SLC35F3: variants seen among roughly 807,000 people sequenced by gnomAD.
SLC35F3 encodes the protein solute carrier family 35 member F3, also known as putative thiamine transporter SLC35F3.
Under a neutral mutation model 49.9 loss-of-function variants are expected in SLC35F3, and 25 were observed. The observed-to-expected ratio is 0.50, with a 90% CI of 0.37 to 0.70. The LOEUF (loss-of-function observed/expected upper bound fraction) is 0.70, where lower values mean the gene tolerates loss of function less well. Ranked by LOEUF, SLC35F3 falls within the 30% of genes least tolerant of loss-of-function variation. The pLI is 0.00. For synonymous variants in SLC35F3, 275 were observed against 265.4 expected (o/e 1.04, Z -0.35); for missense variants, 525 against 639.8 (o/e 0.82, Z 1.94).
rs574743 is a variant in SLC35F3, at chr1:234,191,591, C to A, written c.284-39826C>A. On this transcript the variant is annotated intron_variant, in intron 2 of 7. Transcript: ENST00000366618. Reference sequence around the variant, plus strand: ...AGCCCAGCAGAAGAAGAGAAATAACCCAGATCAGAGAAGAACTAAATGAAA... The same window carrying A: ...AGCCCAGCAGAAGAAGAGAAATAACACAGATCAGAGAAGAACTAAATGAAA... 3.3e-3 allele frequency among the ~76,000 whole-genome samples: 496 copies of A among 151,342 alleles called. 4 individuals are homozygous for A. Among genetic ancestry groups the A allele is most frequent in the African/African-American group, 0.012 (474 of 41,064 alleles).
intron 2 of SLC35F3, among the ~76,000 whole-genome samples, chr1:234,160,428 T>C (rs1298922783): frequency 6.6e-6 from 1 of 152,142 alleles, no homozygotes; most frequent in Non-Finnish European, 1.5e-5. Context: ...ACTCAAGGCC[T>C]CAACTCCAAA....
chr1:234,159,375 G>A (rs1369974954), intron 2 of SLC35F3, among the ~76,000 whole-genome samples: 1 of 152,040 alleles, frequency 6.6e-6, no homozygotes, highest in African/African-American at 2.4e-5. Flanking sequence ...TCAGGAGTTT[G>A]AGACCAGCCT....
intron 2 of SLC35F3, among the ~76,000 whole-genome samples, chr1:234,183,649 C>T (rs1182243250): frequency 2.1e-5 from 3 of 142,690 alleles, no homozygotes; most frequent in African/African-American, 4.9e-5. Context: ...GCTCTATATC[C>T]ATATGTCATC....
chr1:234,195,725 G>A (rs939886974), intron 2 of SLC35F3, among the ~76,000 whole-genome samples: 7 of 152,212 alleles, frequency 4.6e-5, no homozygotes, highest in South Asian at 2.1e-4. Flanking sequence ...CCCAAATCTC[G>A]TCTTGAATTG....
intron 2 of SLC35F3, among the ~76,000 whole-genome samples, chr1:233,928,673 T>C (rs567278488): frequency 6.6e-6 from 1 of 152,306 alleles, no homozygotes; most frequent in South Asian, 2.1e-4. Context: ...CTTTGGTTAA[T>C]ATTAGATTAT....
intron 2 of SLC35F3, among the ~76,000 whole-genome samples, chr1:234,096,846 G>T (rs561765162): frequency 1.3e-5 from 2 of 151,826 alleles, no homozygotes. Flanking sequence ...CCCAGCAGTG[G>T]AATTGCTGGA....
chr1:234,126,560 A>T (rs1665651050), intron 2 of SLC35F3, among the ~76,000 whole-genome samples: 1 of 152,088 alleles, frequency 6.6e-6, no homozygotes, highest in Non-Finnish European at 1.5e-5. Flanking sequence ...AAGACCACAC[A>T]GGTCCATGAC....
At chr1:233,909,450 C>T (rs528297274) in intron 2 of SLC35F3, among the ~76,000 whole-genome samples, 11 of 152,264 alleles carry the variant, frequency 7.2e-5, no homozygotes, top group Admixed American at 2.6e-4. Flanking sequence ...GGCTGCTGCA[C>T]GAAATACTGA....
chr1:234,176,642 G>A (rs1666480292), intron 2 of SLC35F3, among the ~76,000 whole-genome samples: 1 of 152,142 alleles, frequency 6.6e-6, no homozygotes. Flanking sequence ...CTGACAGGGA[G>A]CTGAGGGGGT....
chr1:234,190,574 A>G (rs897977870), intron 2 of SLC35F3, among the ~76,000 whole-genome samples: 1 of 152,204 alleles, frequency 6.6e-6, no homozygotes. Context: ...TATAAAACAA[A>G]TACTGCTAGA....
At chr1:234,131,916 C>T (rs1665742589) in intron 2 of SLC35F3, among the ~76,000 whole-genome samples, 1 of 152,118 alleles carries the variant, frequency 6.6e-6, no homozygotes. Context: ...ATAAGGTTCT[C>T]TTGTGAAAAC....
chr1:234,228,875 T>G (rs1667326579), intron 2 of SLC35F3, among the ~76,000 whole-genome samples: 1 of 152,254 alleles, frequency 6.6e-6, no homozygotes, highest in African/African-American at 2.4e-5. Context: ...TTTTGTGATG[T>G]ATGTATAAAG....
intron 2 of SLC35F3, among the ~76,000 whole-genome samples, chr1:233,913,761 T>C (rs1188419584): frequency 2.0e-5 from 3 of 152,248 alleles, no homozygotes; most frequent in Non-Finnish European, 4.4e-5. Flanking sequence ...ATGGGACTTC[T>C]GTTGCTGGTT....
intron 4 of SLC35F3, among the ~76,000 whole-genome samples, chr1:234,313,784 T>C (rs566632085): frequency 2.0e-4 from 31 of 152,256 alleles, no homozygotes; most frequent in Non-Finnish European, 4.1e-4. Flanking sequence ...GAGTTTGTTT[T>C]AGTGCAGGAA....
At chr1:234,269,905 G>A (rs1453590420) in intron 3 of SLC35F3, among the ~76,000 whole-genome samples, 1 of 152,124 alleles carries the variant, frequency 6.6e-6, no homozygotes, top group African/African-American at 2.4e-5. Flanking sequence ...ATGAGTGGAA[G>A]CTCCCGGAGG....
intron 3 of SLC35F3, among the ~76,000 whole-genome samples, chr1:234,243,436 G>T (rs977413708): frequency 6.6e-6 from 1 of 152,226 alleles, no homozygotes; most frequent in African/African-American, 2.4e-5. Flanking sequence ...TGTTATTAAA[G>T]TTGGACAAAA....
chr1:234,108,691 TA>T (rs1041994728), intron 2 of SLC35F3, among the ~76,000 whole-genome samples: 3 of 121,412 alleles, frequency 2.5e-5, no homozygotes, highest in Non-Finnish European at 4.8e-5. Context: ...TTTTTATATA[TA>T]AAATATATAT....
At chr1:234,053,303 T>C (rs930786900) in intron 2 of SLC35F3, among the ~76,000 whole-genome samples, 2 of 152,190 alleles carry the variant, frequency 1.3e-5, no homozygotes, top group African/African-American at 4.8e-5. Flanking sequence ...AAGGACTTGC[T>C]TTATGAATCT....
chr1:234,250,052 G>C (rs1017421600), intron 3 of SLC35F3, among the ~76,000 whole-genome samples: 2 of 152,182 alleles, frequency 1.3e-5, no homozygotes, highest in African/African-American at 4.8e-5. Flanking sequence ...ATATATGGGA[G>C]AAGAAGGAAA....
Sources: allele counts gnomAD v4.1 joint callset (sites outside exome capture counted in the v4.1 genomes callset), GRCh38; gene constraint gnomAD v4.1.1; transcripts MANE v1.5; gene names NCBI Gene and HGNC (gene_info 2026-07-23, HGNC 2026-07-21).